PRKCE: variants seen among roughly 807,000 people sequenced by gnomAD.
PRKCE encodes the protein protein kinase C epsilon.
A neutral mutation model predicts 85.4 loss-of-function variants in PRKCE; 16 were observed. The ratio of observed to expected loss-of-function variants is 0.19; its 90% confidence interval spans 0.13 to 0.28. PRKCE has a LOEUF of 0.28. PRKCE is among the 10% of genes least tolerant of loss of function. The pLI is 1.00. For synonymous variants in PRKCE, 388 were observed against 371.5 expected, an observed-to-expected ratio of 1.04 and a Z score of -0.51; for missense variants, 573 against 975.2, an observed-to-expected ratio of 0.59 and a Z score of 5.49.
chr2:45,929,333 C>A (rs894442977), intron 2 of PRKCE, among the ~76,000 whole-genome samples: 1 of 152,192 alleles, frequency 6.6e-6, no homozygotes, highest in Non-Finnish European at 1.5e-5. Flanking sequence ...AGAGCGATAG[C>A]GGAGCCGTTC....
At position 45,775,361 on chromosome 2, in the gene PRKCE, C is replaced by T. The variant is rs143106497; in HGVS notation, c.349-67639C>T. Among the ~76,000 whole-genome samples, 225 of 152,302 alleles carry T rather than the reference C, an allele frequency of 1.5e-3. 3 individuals are homozygous for T. In the East Asian group the frequency reaches 0.033, roughly 22 times the overall value. ...AAGGGAAGGTGGACTCCACGCAGTCCGCCCGTTCTCATGCTTCATGCAGTG... is the reference window on the plus strand; with the variant it reads ...AAGGGAAGGTGGACTCCACGCAGTCTGCCCGTTCTCATGCTTCATGCAGTG... On this transcript the variant is annotated intron_variant, in intron 1 of 14. Coordinates refer to ENST00000306156, the MANE Select transcript of PRKCE (RefSeq NM_005400.3).
At chr2:46,072,938 T>A (rs1409392807) in intron 10 of PRKCE, among the ~76,000 whole-genome samples, 1 of 152,246 alleles carries the variant, frequency 6.6e-6, no homozygotes, top group Non-Finnish European at 1.5e-5. Flanking sequence ...CCCCAGCAGC[T>A]GCCTAATCTG....
At chr2:46,013,491 T>C (rs990426010) in intron 10 of PRKCE, among the ~76,000 whole-genome samples, 7 of 152,126 alleles carry the variant, frequency 4.6e-5, no homozygotes, top group African/African-American at 1.7e-4. Flanking sequence ...AAGCCAGGCT[T>C]TGAAAGGTAG....
intron 11 of PRKCE, among the ~76,000 whole-genome samples, chr2:46,118,212 C>T (rs537559528): frequency 3.3e-5 from 5 of 152,260 alleles, no homozygotes; most frequent in South Asian, 4.1e-4. Context: ...TTTAGAATGA[C>T]GACATCATTG....
chr2:45,911,745 C>T (rs1331583929), intron 2 of PRKCE, among the ~76,000 whole-genome samples: 1 of 152,134 alleles, frequency 6.6e-6, no homozygotes, highest in Non-Finnish European at 1.5e-5. Flanking sequence ...GTGAGCTGGG[C>T]CTGCATTTAG....
chr2:46,154,741 T>G (rs1405107362), intron 13 of PRKCE, among the ~76,000 whole-genome samples: 1 of 151,894 alleles, frequency 6.6e-6, no homozygotes, highest in East Asian at 1.9e-4. Flanking sequence ...GGCTTTTTTT[T>G]TTTTTTTTAC....
At chr2:45,727,185 G>A (rs4557033) in intron 1 of PRKCE, among the ~76,000 whole-genome samples, 58,802 of 151,972 alleles carry the variant, frequency 0.39, 11,636 homozygotes, top group Non-Finnish European at 0.42. Context: ...AGTCTTCTCC[G>A]GAGTAGAAAA....
intron 1 of PRKCE, among the ~76,000 whole-genome samples, chr2:45,757,750 C>T (rs192388868): frequency 7.2e-5 from 11 of 152,170 alleles, no homozygotes; most frequent in African/African-American, 2.2e-4. Context: ...TTGCCAACTC[C>T]TTACATTCCC....
intron 10 of PRKCE, among the ~76,000 whole-genome samples, chr2:46,057,568 G>C (rs1204322887): frequency 6.6e-6 from 1 of 151,866 alleles, no homozygotes; most frequent in Non-Finnish European, 1.5e-5. Context: ...CCGAGTAGCT[G>C]GGATTACAGG....
At chr2:46,046,326 C>T (rs1021383548) in intron 10 of PRKCE, among the ~76,000 whole-genome samples, 7 of 152,218 alleles carry the variant, frequency 4.6e-5, no homozygotes, top group African/African-American at 1.7e-4. Context: ...GGGGCCTGCC[C>T]TACCTCTAGG....
chr2:46,110,938 C>T (rs1023449915), intron 11 of PRKCE, among the ~76,000 whole-genome samples: 1 of 152,048 alleles, frequency 6.6e-6, no homozygotes, highest in African/African-American at 2.4e-5. Context: ...CTTGAGAGTT[C>T]TTCTTTGACC....
intron 1 of PRKCE, among the ~76,000 whole-genome samples, chr2:45,765,827 A>C (rs1684868110): frequency 6.6e-6 from 1 of 152,200 alleles, no homozygotes; most frequent in African/African-American, 2.4e-5. Flanking sequence ...CAGAGAATTA[A>C]TGCACAGAAG....
intron 10 of PRKCE, among the ~76,000 whole-genome samples, chr2:46,053,436 A>T (rs6707328): frequency 0.068 from 10,384 of 152,256 alleles, 1,000 homozygotes; most frequent in African/African-American, 0.21. Flanking sequence ...CGTCACCACT[A>T]TCCATCTCCA....
intron 1 of PRKCE, among the ~76,000 whole-genome samples, chr2:45,761,248 A>G (rs1194571602): frequency 1.4e-5 from 2 of 141,462 alleles, no homozygotes; most frequent in East Asian, 4.5e-4. Context: ...AATGGCGTGA[A>G]CCCGGGAGGC....
At chr2:46,052,658 A>G (rs1178614529) in intron 10 of PRKCE, among the ~76,000 whole-genome samples, 2 of 152,220 alleles carry the variant, frequency 1.3e-5, no homozygotes, top group Non-Finnish European at 2.9e-5. Flanking sequence ...TAAAATTCAT[A>G]TGAAATTGAA....
At chr2:45,658,316 C>T (rs575110163) in intron 1 of PRKCE, among the ~76,000 whole-genome samples, 27 of 152,224 alleles carry the variant, frequency 1.8e-4, no homozygotes, top group Non-Finnish European at 8.8e-5. Context: ...CCAGTGCTAT[C>T]ACAGACAACC....
intron 11 of PRKCE, among the ~76,000 whole-genome samples, chr2:46,116,512 T>C (rs1162613105): frequency 6.6e-6 from 1 of 152,220 alleles, no homozygotes; most frequent in East Asian, 1.9e-4. Flanking sequence ...TTTGAATCAA[T>C]GAGGAAATCA....
chr2:45,733,661 C>A (rs1476661025), intron 1 of PRKCE, among the ~76,000 whole-genome samples: 2 of 152,130 alleles, frequency 1.3e-5, no homozygotes, highest in East Asian at 1.9e-4. Flanking sequence ...TAGTGGCTGG[C>A]CTGAAATGCC....
intron 1 of PRKCE, among the ~76,000 whole-genome samples, chr2:45,688,022 C>G (rs1677437434): frequency 1.3e-5 from 2 of 152,202 alleles, no homozygotes; most frequent in Non-Finnish European, 2.9e-5. Flanking sequence ...AGCTCTGGCC[C>G]TCTGGCAGTG....
Sources: gnomAD v4.1 joint callset for allele counts (sites outside exome capture counted in the v4.1 genomes callset) on GRCh38, gnomAD v4.1.1 for gene constraint, MANE v1.5 for transcripts, NCBI Gene and HGNC (gene_info 2026-07-23, HGNC 2026-07-21) for gene names.